FEZ2: variants seen among roughly 807,000 people sequenced by gnomAD.
FEZ2 encodes fasciculation and elongation protein zeta 2, also known as fasciculation and elongation protein zeta-2.
In FEZ2, 51 loss-of-function variants were observed where a neutral mutation model predicts 40.4. The ratio of observed to expected loss-of-function variants is 1.26; its 90% CI spans 1.01 to 1.59. FEZ2 has a LOEUF of 1.59. FEZ2 is among the 40% of genes most tolerant of loss of function. The pLI, the probability that FEZ2 is intolerant of heterozygous loss-of-function variation, is 0.00. For missense variants in FEZ2, 640 were observed against 438.3 expected (o/e 1.46, Z -4.11); for synonymous variants, 242 against 172.0 (o/e 1.41, Z -3.18).
intron 5 of FEZ2, among the ~76,000 whole-genome samples, chr2:36,564,565 A>C (rs1668180582): frequency 6.6e-6 from 1 of 152,140 alleles, no homozygotes; most frequent in Non-Finnish European, 1.5e-5. Context: ...CAGATAACTA[A>C]CACATGCCCT....
In FEZ2 at chr2:36,553,195, A is replaced by G; in HGVS notation, c.1046-16T>C. 2 of 1,538,384 alleles carry G rather than the reference A, an allele frequency of 1.3e-6. No individual in the cohort carries two copies. Among genetic ancestry groups the G allele is most frequent in the Non-Finnish European group, 1.8e-6 (2 of 1,132,954 alleles). On this transcript the variant is annotated splice_polypyrimidine_tract_variant and intron_variant, in intron 7 of 7. Transcript: ENST00000405912. Reference sequence around the variant, plus strand: ...GGACACAGAACTAGAAGAAAAAGAGAACTTTTAGCTACAAATGTATATTTT... The same window carrying G: ...GGACACAGAACTAGAAGAAAAAGAGGACTTTTAGCTACAAATGTATATTTT...
intron 3 of FEZ2, among the ~76,000 whole-genome samples, chr2:36,582,083 C>T (rs977759468): frequency 3.9e-5 from 6 of 152,128 alleles, no homozygotes; most frequent in African/African-American, 9.7e-5. Context: ...CAATGATCTA[C>T]TGTCTAGTGC....
chr2:36,556,683 C>G (rs1667969529), intron 6 of FEZ2: 1 of 152,236 alleles, frequency 6.6e-6, no homozygotes, highest in Admixed American at 6.5e-5. Flanking sequence ...TAGATTTAAT[C>G]TCAAAGGTTT....
chr2:36,568,988 A>C (rs540494801), intron 5 of FEZ2, among the ~76,000 whole-genome samples: 73 of 152,344 alleles, frequency 4.8e-4, no homozygotes, highest in African/African-American at 1.7e-3. Flanking sequence ...ACATCCTTGC[A>C]AAGCTCAGAA....
intron 1 of FEZ2, among the ~76,000 whole-genome samples, chr2:36,597,142 C>G (rs910831997): frequency 6.6e-6 from 1 of 152,154 alleles, no homozygotes; most frequent in East Asian, 1.9e-4. Flanking sequence ...CGCACTCTAC[C>G]AGGGCTCCCG....
intron 4 of FEZ2, among the ~76,000 whole-genome samples, chr2:36,579,839 G>T (rs1668681079): frequency 6.6e-6 from 1 of 152,200 alleles, no homozygotes; most frequent in East Asian, 1.9e-4. Flanking sequence ...CCTTGTGACA[G>T]ATAGGACACT....
Position 36,598,155 on chromosome 2 carries a change from C to G in FEZ2, c.-13G>C, listed in dbSNP as rs1247898012. ...CGTCCGCCGCCATCGCCGCCCGGAG[C>G]AGTCGCGCGCCCCGCCCAGGCCGGC... On this transcript the variant is annotated 5_prime_UTR_variant, in exon 1 of 8. Coordinates refer to ENST00000405912, the MANE Select transcript of FEZ2 (RefSeq NM_005102.3). 3 of 1,446,360 alleles carry G rather than the reference C, an allele frequency of 2.1e-6. No homozygotes were observed. The highest frequency in any genetic ancestry group is 2.7e-6 in the Non-Finnish European group (3 of 1,105,992). 89.6% of individuals were successfully genotyped at this position (1,446,360 alleles called of 1,614,324 possible). A position where few individuals can be genotyped will look rare whatever the true frequency, so the allele number is the denominator to read the frequency against.
At chr2:36,592,379 G>A (rs1397454647) in intron 1 of FEZ2, among the ~76,000 whole-genome samples, 1 of 152,048 alleles carries the variant, frequency 6.6e-6, no homozygotes, top group South Asian at 2.1e-4. Context: ...CCATCACCTA[G>A]GTATTAAGCC....
At chr2:36,565,323 T>C (rs1221167356) in intron 5 of FEZ2, among the ~76,000 whole-genome samples, 11 of 152,194 alleles carry the variant, frequency 7.2e-5, no homozygotes, top group Admixed American at 2.0e-4. Context: ...CCCAAACATG[T>C]AACTACCTGA....
chr2:36,559,587 C>T (rs771924535), intron 5 of FEZ2, among the ~76,000 whole-genome samples: 5 of 152,226 alleles, frequency 3.3e-5, no homozygotes, highest in Non-Finnish European at 5.9e-5. Context: ...GTCTTTTTGA[C>T]GTAGACTTCT....
At chr2:36,555,175 C>CT (rs1428289467) in intron 7 of FEZ2, 1 of 152,598 alleles carries the variant, frequency 6.6e-6, no homozygotes, top group African/African-American at 2.4e-5. Flanking sequence ...TTTCACTTTC[C>CT]TGGGTTTATG....
intron 4 of FEZ2, among the ~76,000 whole-genome samples, chr2:36,580,099 T>A (rs1030961139): frequency 2.6e-5 from 4 of 152,236 alleles, no homozygotes; most frequent in Non-Finnish European, 5.9e-5. Flanking sequence ...ACTTCTGGCC[T>A]CCAGAACTAT....
chr2:36,570,518 C>T (rs1228756129), intron 5 of FEZ2, among the ~76,000 whole-genome samples: 2 of 152,092 alleles, frequency 1.3e-5, no homozygotes, highest in African/African-American at 4.8e-5. Context: ...TTTAGAAATT[C>T]CTTCCTGAAA....
At chr2:36,585,160 T>C (rs951316609) in intron 2 of FEZ2, among the ~76,000 whole-genome samples, 3 of 152,146 alleles carry the variant, frequency 2.0e-5, no homozygotes, top group Admixed American at 6.5e-5. Context: ...GAATTCTCAA[T>C]AGCAACAATA....
intron 1 of FEZ2, among the ~76,000 whole-genome samples, chr2:36,593,588 C>T (rs918865694): frequency 6.6e-6 from 1 of 152,078 alleles, no homozygotes; most frequent in African/African-American, 2.4e-5. Context: ...TACTCTCGCC[C>T]CTTTCAGCCA....
At chr2:36,557,933 G>C (rs1371907538) in intron 6 of FEZ2, 1 of 152,046 alleles carries the variant, frequency 6.6e-6, no homozygotes, top group Non-Finnish European at 1.5e-5. Context: ...ATCATGGCCT[G>C]GTACAGAGTA....
chr2:36,591,186 A>C (rs1335927694), intron 1 of FEZ2, 175 bp from the exon 2 acceptor site: 1 of 594,216 alleles, frequency 1.7e-6, no homozygotes, highest in African/African-American at 1.9e-5. Context: ...AAACGAGGTG[A>C]AAAATCACAT....
intron 5 of FEZ2, among the ~76,000 whole-genome samples, chr2:36,563,774 C>T (rs775896897): frequency 1.1e-4 from 16 of 152,184 alleles, no homozygotes; most frequent in East Asian, 5.8e-4. Context: ...TGGAAGACCA[C>T]GGCCACTTTT....
Position 36,552,993 on chromosome 2 carries a change from G to A in FEZ2, c.*170C>T, listed in dbSNP as rs961570052. 14 of 527,124 alleles carry A rather than the reference G, an allele frequency of 2.7e-5. No homozygotes were observed. The highest frequency in any genetic ancestry group is 1.4e-4 in the African/African-American group (7 of 51,390). 32.7% of individuals were successfully genotyped at this position (527,124 alleles called of 1,614,324 possible). The stretch of plus-strand genomic sequence containing the variant: ...AATTCAAAATAGTGCCCATATTTCC[G>A]TTGGTTCTATAATATAAAGAATTAG... On this transcript the variant is annotated 3_prime_UTR_variant, in exon 8 of 8. Coordinates refer to ENST00000405912, the MANE Select transcript of FEZ2 (RefSeq NM_005102.3).
Sources: allele counts gnomAD v4.1 joint callset (sites outside exome capture counted in the v4.1 genomes callset), GRCh38; gene constraint gnomAD v4.1.1; transcripts MANE v1.5; gene names NCBI Gene and HGNC (gene_info 2026-07-23, HGNC 2026-07-21).